PAQR5: variants seen among roughly 807,000 people sequenced by gnomAD.
The protein encoded by PAQR5 is membrane progestin receptor gamma.
Under a neutral mutation model 34.5 loss-of-function variants are expected in PAQR5, and 20 were observed. The ratio of observed to expected loss-of-function variants is 0.58; its 90% CI spans 0.41 to 0.84. The LOEUF (loss-of-function observed/expected upper bound fraction) is 0.84. Ranked by LOEUF, PAQR5 falls within the 40% of genes least tolerant of loss-of-function variation. The pLI is 0.00. For synonymous variants in PAQR5, 131 were observed against 155.6 expected (o/e 0.84, Z 1.18); for missense variants, 378 against 412.7 (o/e 0.92, Z 0.73).
rs573637714 is a variant in PAQR5 at position 69,406,729 on chromosome 15, T to C, written c.*2907T>C. ...ATAAAAAAAAGTTAAAACTAGCTGG[T>C]TGTGGTGGTGCACACCTGTGGTCCC... On this transcript the variant is annotated 3_prime_UTR_variant, in exon 9 of 9. Coordinates refer to ENST00000395407, the MANE Select transcript of PAQR5 (RefSeq NM_017705.4). The C allele has an allele frequency of 6.6e-6, 1 of 152,256 alleles. No homozygotes were observed. Among genetic ancestry groups the C allele is most frequent in the South Asian group, 2.1e-4 (1 of 4,818 alleles). 9.4% of individuals were successfully genotyped at this position (152,256 alleles called of 1,614,324 possible).
At chr15:69,357,588 A>C in intron 2 of PAQR5, among the ~76,000 whole-genome samples, 1 of 152,188 alleles carries the variant, frequency 6.6e-6, no homozygotes, top group Non-Finnish European at 1.5e-5. Flanking sequence ...ATAGCAATGC[A>C]AGAATGGACT....
intron 2 of PAQR5, among the ~76,000 whole-genome samples, chr15:69,347,193 G>C (rs1263306146): frequency 1.3e-5 from 2 of 152,138 alleles, no homozygotes; most frequent in Admixed American, 6.6e-5. Context: ...TAGCAAGAGA[G>C]TTCTTATTTA....
intron 3 of PAQR5, among the ~76,000 whole-genome samples, chr15:69,369,769 A>T: frequency 6.7e-6 from 1 of 150,124 alleles, no homozygotes. Context: ...CAGAGAAACA[A>T]CTTTCCTTAT....
chr15:69,392,821 C>G (rs1231137113), intron 6 of PAQR5, among the ~76,000 whole-genome samples: 1 of 151,960 alleles, frequency 6.6e-6, no homozygotes, highest in Non-Finnish European at 1.5e-5. Flanking sequence ...TAGCAACCAG[C>G]CAGGACAAGG....
At chr15:69,368,140 G>A (rs572577945) in intron 3 of PAQR5, among the ~76,000 whole-genome samples, 7 of 151,590 alleles carry the variant, frequency 4.6e-5, no homozygotes, top group African/African-American at 1.2e-4. Context: ...TGCAATCTCC[G>A]CCTCCCAGGT....
At chr15:69,350,661 A>T (rs1045526627) in intron 2 of PAQR5, among the ~76,000 whole-genome samples, 15 of 146,212 alleles carry the variant, frequency 1.0e-4, no homozygotes, top group Middle Eastern at 3.2e-3. Flanking sequence ...AAAAAAAATT[A>T]AAAAATCACA....
intron 1 of PAQR5, among the ~76,000 whole-genome samples, chr15:69,320,606 T>G (rs1160799395): frequency 6.6e-6 from 1 of 152,198 alleles, no homozygotes; most frequent in Non-Finnish European, 1.5e-5. Context: ...ACCCAAATAT[T>G]TAATAATTTT....
rs1214235406 is a variant in PAQR5 at position 69,397,564 on chromosome 15, G to C, written c.609G>C (p.Arg203Ser). The C allele has an allele frequency of 6.3e-7, 1 of 1,587,242 alleles. No homozygotes were observed. The highest frequency in any genetic ancestry group is 1.3e-5 in the African/African-American group (1 of 74,490). Reference sequence around the variant, plus strand: ...GGGACTCCCTCCCCATCTTCTACAGGGTAAGGACTGGCTGCATCTCCTCTC... The same window carrying C: ...GGGACTCCCTCCCCATCTTCTACAGCGTAAGGACTGGCTGCATCTCCTCTC... ...YTWDSLPIFY[R>S]LFLFPGESAQ... The change falls in exon 7 of 9, where the codon AGG becomes AGC. Residue 203 changes from arginine (R) to serine (S), a missense_variant and splice_region_variant. Physicochemically the swap from Arg to Ser is moderately radical, Grantham distance 110. Coordinates refer to ENST00000395407, the MANE Select transcript of PAQR5 (RefSeq NM_017705.4).
In PAQR5 at chr15:69,400,114, C is replaced by T. The variant is rs765252504; in HGVS notation, c.750C>T (p.Ile250=). ...ERLAPGRFDY[I]GHSHQLFHVC... ...TAGCCCCTGGACGCTTTGACTACAT[C>T]GGTGAGTGGGCAACAGCCCTGCTGC... The change falls in exon 8 of 9, where the codon ATC becomes ATT. Residue 250 remains isoleucine (I), a splice_region_variant and synonymous_variant. Transcript: ENST00000395407. The T allele has an allele frequency of 1.8e-5, 29 of 1,611,550 alleles. No individual in the cohort carries two copies. The East Asian group carries it at 3.6e-4, about 20-fold the overall frequency.
chr15:69,309,950 A>T (rs2053793855), intron 1 of PAQR5, among the ~76,000 whole-genome samples: 1 of 151,620 alleles, frequency 6.6e-6, no homozygotes, highest in Non-Finnish European at 1.5e-5. Context: ...TGGGAGGCTG[A>T]GGTGGGAGAA....
rs148089204 is a variant in PAQR5 at position 69,307,841 on chromosome 15, G to A, written c.-277+8785G>A. 1.2e-4 allele frequency among the ~76,000 whole-genome samples: 19 copies of A among 152,332 alleles called. No homozygotes were observed. In the East Asian group the frequency reaches 3.5e-3, roughly 28 times the overall value. On this transcript the variant is annotated intron_variant, in intron 1 of 8. Coordinates refer to ENST00000395407, the MANE Select transcript of PAQR5 (RefSeq NM_017705.4). ...GAGCAAGTCTGAAGGGTGCTGTGCC[G>A]CACAAGGGTGCCCAGGATTCTGGTT...
intron 8 of PAQR5, among the ~76,000 whole-genome samples, chr15:69,402,604 C>T (rs2056668879): frequency 1.3e-5 from 2 of 152,218 alleles, no homozygotes; most frequent in Non-Finnish European, 2.9e-5. Context: ...GCGTGAACCA[C>T]CGCGCCTGGC....
At chr15:69,322,773 G>GAA (rs1566998016) in intron 1 of PAQR5, among the ~76,000 whole-genome samples, 1,666 of 9,652 alleles carry the variant, frequency 0.17, 380 homozygotes, top group Non-Finnish European at 0.29. Flanking sequence ...AGAAGAAGAG[G>GAA]GAGAAGAAGA....
At chr15:69,326,728 C>T (rs1301053284) in intron 1 of PAQR5, among the ~76,000 whole-genome samples, 1 of 152,150 alleles carries the variant, frequency 6.6e-6, no homozygotes, top group Non-Finnish European at 1.5e-5. Flanking sequence ...TGAGCCACCG[C>T]ACCTGGCCTT....
chr15:69,302,737 G>A (rs531387826), intron 1 of PAQR5, among the ~76,000 whole-genome samples: 5 of 152,220 alleles, frequency 3.3e-5, no homozygotes, highest in South Asian at 4.2e-4. Flanking sequence ...GGAGGAAGCC[G>A]CTGAGAGACT....
At chr15:69,330,621 C>G (rs2054356983) in intron 1 of PAQR5, among the ~76,000 whole-genome samples, 2 of 152,216 alleles carry the variant, frequency 1.3e-5, no homozygotes, top group South Asian at 4.2e-4. Context: ...AAGAAGACAA[C>G]TTCGACTCCC....
chr15:69,361,965 G>C (rs370103112), intron 3 of PAQR5, among the ~76,000 whole-genome samples: 48 of 152,068 alleles, frequency 3.2e-4, no homozygotes, highest in African/African-American at 1.1e-3. Flanking sequence ...GATGGTGGGG[G>C]GACTGGGGAG....
At chr15:69,363,536 GTT>G (rs1226447954) in intron 3 of PAQR5, among the ~76,000 whole-genome samples, 3 of 82,002 alleles carry the variant, frequency 3.7e-5, no homozygotes, top group African/African-American at 1.3e-4. Flanking sequence ...TTGCTAATCT[GTT>G]TTTTGTTTTT....
At chr15:69,363,671 A>G (rs2055307983) in intron 3 of PAQR5, among the ~76,000 whole-genome samples, 3 of 148,660 alleles carry the variant, frequency 2.0e-5, no homozygotes, top group African/African-American at 7.4e-5. Context: ...TCCTGCCTCA[A>G]CCTCTCAAGT....
Sources: allele counts gnomAD v4.1 joint callset (sites outside exome capture counted in the v4.1 genomes callset), GRCh38; gene constraint gnomAD v4.1.1; transcripts MANE v1.5; gene names NCBI Gene and HGNC (gene_info 2026-07-23, HGNC 2026-07-21).